The following PARP14 variants were observed in gnomAD, a reference collection of about 807,000 sequenced individuals.
PARP14 encodes protein mono-ADP-ribosyltransferase PARP14.
A neutral mutation model predicts 154.2 loss-of-function variants in PARP14; 59 were observed. The ratio of observed to expected loss-of-function variants is 0.38; its 90% confidence interval spans 0.31 to 0.48. The LOEUF (loss-of-function observed/expected upper bound fraction) is 0.48, where lower values mean the gene tolerates loss of function less well. Ranked by LOEUF, PARP14 falls within the 20% of genes least tolerant of loss-of-function variation. The pLI, the probability that PARP14 is intolerant of heterozygous loss-of-function variation, is 0.98. For missense variants in PARP14, 1,734 were observed against 2,131.6 expected (o/e 0.81, Z 3.67); for synonymous variants, 720 against 780.5 (o/e 0.92, Z 1.29).
intron 12 of PARP14, among the ~76,000 whole-genome samples, chr3:122,716,834 A>G (rs1004338169): frequency 1.4e-4 from 21 of 152,168 alleles, no homozygotes; most frequent in Non-Finnish European, 7.4e-5. Flanking sequence ...TACCCATTAC[A>G]TAGTTCCATC....
rs540313554 is a variant in PARP14, at chr3:122,698,949, C to T, written c.836-441C>T. On this transcript the variant is annotated intron_variant, in intron 5 of 16. Coordinates refer to ENST00000474629, the MANE Select transcript of PARP14 (RefSeq NM_017554.3). ...TATACTAGGGCAAACATTATTCTCA[C>T]GATTGTGACCAAACTCATGTATTTC... 7.2e-5 allele frequency among the ~76,000 whole-genome samples: 11 copies of T among 152,294 alleles called. No individual in the cohort carries two copies. In the South Asian group the frequency reaches 1.5e-3, roughly 20 times the overall value.
chr3:122,727,919 G>T lies in PARP14; in HGVS notation c.5049G>T (p.Gly1683=). The change falls in exon 16 of 17, where the codon GGG becomes GGT. Residue 1683 remains glycine (G), a synonymous_variant. Coordinates refer to ENST00000474629, the MANE Select transcript of PARP14 (RefSeq NM_017554.3). The stretch of plus-strand genomic sequence containing the variant: ...TGAATGAGAAGCAACTCTTCCATGG[G>T]ACAGATGCCGGCTCCGTGCCACACG... ...QTMNEKQLFH[G]TDAGSVPHVN... is the part of the protein sequence containing the mutation. The T allele has an allele frequency of 1.2e-6, 2 of 1,613,908 alleles. No homozygotes were observed. The highest frequency in any genetic ancestry group is 2.2e-5 in the South Asian group (2 of 91,076).
In PARP14 at chr3:122,714,381, T is replaced by G. The variant is rs1379759347; in HGVS notation, c.3952T>G (p.Cys1318Gly). The G allele has an allele frequency of 6.3e-7, 1 of 1,581,974 alleles. No individual in the cohort carries two copies. Among genetic ancestry groups the G allele is most frequent in the Non-Finnish European group, 8.5e-7 (1 of 1,170,024 alleles). Residue 1318 changes from cysteine (C) to glycine (G), a missense_variant, in exon 12 of 17, where the codon TGT (cysteine) becomes GGT (glycine). Transcript: ENST00000474629. ...KSSVSSVLQE[C>G]EKKNYSSICL... Reference sequence around the variant, plus strand: ...TTCAGTTTCCTCTGTTTTGCAGGAGTGTGAAAAAAAAAATTACTCATCCAT... The same window carrying G: ...TTCAGTTTCCTCTGTTTTGCAGGAGGGTGAAAAAAAAAATTACTCATCCAT...
Position 122,699,769 on chromosome 3 carries a change from G to A in PARP14, c.1215G>A (p.Val405=), listed in dbSNP as rs1263323457. The A allele has an allele frequency of 6.2e-7, 1 of 1,613,952 alleles. No individual in the cohort carries two copies. ...AATATAAAGTCAACCCAATTAAAGTGGATCCAACAATGTGGGACACCATAA... is the reference window on the plus strand; with the variant it reads ...AATATAAAGTCAACCCAATTAAAGTAGATCCAACAATGTGGGACACCATAA... ...RSKYKVNPIK[V]DPTMWDTIKN... The change falls in exon 6 of 17, where the codon GTG becomes GTA. Residue 405 remains valine, a synonymous_variant. Transcript: ENST00000474629.
Position 122,713,775 on chromosome 3 carries a change from C to T in PARP14, c.3770-97C>T, listed in dbSNP as rs1306511114. 7.3e-6 allele frequency: 7 copies of T among 961,574 alleles called. No homozygotes were observed. The East Asian group carries it at 1.7e-4, about 23-fold the overall frequency. 59.6% of individuals were successfully genotyped at this position (961,574 alleles called of 1,614,324 possible). ...AGCAATACCCAATTAGAGGATTCCT[C>T]AGATGATGGAGAATGCATTCAGATA... On this transcript the variant is annotated intron_variant, in intron 10 of 16. Coordinates refer to ENST00000474629, the MANE Select transcript of PARP14 (RefSeq NM_017554.3).
chr3:122,727,958 C>A lies in PARP14; in HGVS notation c.5088C>A (p.Gly1696=), dbSNP rs1465894281. ...CCGTGCCACACGTCAATCGAAATGG[C>A]TTTAACCGCAGCTATGCCGGAAAGA... ...AGSVPHVNRN[G]FNRSYAGKNA... The change falls in exon 16 of 17, where the codon GGC becomes GGA. Residue 1696 remains glycine (G), a synonymous_variant. Coordinates refer to ENST00000474629, the MANE Select transcript of PARP14 (RefSeq NM_017554.3). 2 of 1,612,070 alleles carry A rather than the reference C, an allele frequency of 1.2e-6. No individual in the cohort carries two copies. Among genetic ancestry groups the A allele is most frequent in the Non-Finnish European group, 8.5e-7 (1 of 1,179,256 alleles).
intron 15 of PARP14, 158 bp downstream of exon 15, chr3:122,720,546 C>CA (rs1169979323): frequency 2.9e-6 from 2 of 697,040 alleles, no homozygotes; most frequent in Non-Finnish European, 5.1e-6. Context: ...CTCATGTGAC[C>CA]ATAATTACTG....
intron 6 of PARP14, among the ~76,000 whole-genome samples, chr3:122,702,566 G>A (rs536608783): frequency 6.6e-6 from 1 of 152,062 alleles, no homozygotes; most frequent in Non-Finnish European, 1.5e-5. Context: ...ACTGCCATGC[G>A]GCAGATTCTA....
At position 122,700,969 on chromosome 3, in the gene PARP14, T is replaced by C. The variant is rs777739531; in HGVS notation, c.2415T>C (p.Ile805=). 6.8e-6 allele frequency: 11 copies of C among 1,613,950 alleles called. No homozygotes were observed. In the South Asian group the frequency reaches 1.1e-4, roughly 16 times the overall value. ...TCTTGGCCCCTGGCGTTGTGCTGATTGTGCAGCAGGGTGACTTGGCACGGC... is the reference window on the plus strand; with the variant it reads ...TCTTGGCCCCTGGCGTTGTGCTGATCGTGCAGCAGGGTGACTTGGCACGGC... ...RTVLAPGVVL[I]VQQGDLARLP... is the part of the protein sequence containing the mutation. The change falls in exon 6 of 17, where the codon ATT becomes ATC. Residue 805 remains isoleucine (I), a synonymous_variant. Transcript: ENST00000474629.
intron 15 of PARP14, among the ~76,000 whole-genome samples, chr3:122,724,857 G>C (rs943925610): frequency 6.6e-6 from 1 of 151,982 alleles, no homozygotes; most frequent in Non-Finnish European, 1.5e-5. Flanking sequence ...TGACTCTTAA[G>C]GAGCATGCTG....
chr3:122,718,744 C>T lies in PARP14; in HGVS notation c.4593C>T (p.Ile1531=). 6.2e-7 allele frequency: 1 copy of T among 1,613,340 alleles called. No individual in the cohort carries two copies. Among genetic ancestry groups the T allele is most frequent in the Non-Finnish European group, 8.5e-7 (1 of 1,179,552 alleles). ...AACAGGAATCCCGGGCAGATTGTAT[C>T]AGTGAGTTTATAGAATGGCAGTATA... The part of the protein sequence containing the change: ...AKEQESRADC[I]SEFIEWQYND... Residue 1531 remains isoleucine, a synonymous_variant, in exon 14 of 17, where the codon ATC becomes ATT. Transcript: ENST00000474629.
At chr3:122,715,366 C>T (rs1932964249) in intron 12 of PARP14, among the ~76,000 whole-genome samples, 1 of 152,164 alleles carries the variant, frequency 6.6e-6, no homozygotes, top group Admixed American at 6.5e-5. Context: ...AGGTTATCCT[C>T]AATAAACTTA....
At position 122,680,874 on chromosome 3, in the gene PARP14, G is replaced by T. The variant is rs772029631; in HGVS notation, c.-10G>T. The T allele has an allele frequency of 1.3e-5, 21 of 1,591,188 alleles. No individual in the cohort carries two copies. The East Asian group carries it at 2.5e-4, about 19-fold the overall frequency. ...CGGCCCCTGCAGTCCGGCGGAGAGC[G>T]GAGCTGAGGATGGCTGTGCCCGGCT... On this transcript the variant is annotated 5_prime_UTR_variant, in exon 1 of 17. Transcript: ENST00000474629.
intron 1 of PARP14, among the ~76,000 whole-genome samples, chr3:122,684,053 T>G (rs767049021): frequency 3.3e-5 from 5 of 152,180 alleles, no homozygotes; most frequent in Non-Finnish European, 7.4e-5. Context: ...CTGAGGCCTA[T>G]TTCTGAGTTG....
intron 1 of PARP14, among the ~76,000 whole-genome samples, chr3:122,682,461 C>T (rs1377670393): frequency 6.6e-6 from 1 of 152,150 alleles, no homozygotes; most frequent in Non-Finnish European, 1.5e-5. Context: ...ACCGGCAGCC[C>T]AGGTGACCCT....
At chr3:122,717,972 G>A in intron 12 of PARP14, 99 bp from the exon 13 acceptor site, 1 of 822,988 alleles carries the variant, frequency 1.2e-6, no homozygotes, top group Non-Finnish European at 2.0e-6. Flanking sequence ...ATTGAGGAGT[G>A]GGCATTTATT....
At chr3:122,709,627 C>T (rs1035052175) in intron 9 of PARP14, among the ~76,000 whole-genome samples, 3 of 152,122 alleles carry the variant, frequency 2.0e-5, no homozygotes, top group East Asian at 3.8e-4. Context: ...CACTGTTTTC[C>T]GTAGTGGTTG....
intron 15 of PARP14, among the ~76,000 whole-genome samples, chr3:122,727,247 G>A (rs1346443281): frequency 6.6e-6 from 1 of 152,130 alleles, no homozygotes; most frequent in Non-Finnish European, 1.5e-5. Context: ...TTCCACCACC[G>A]CCCTGGAGGC....
Position 122,709,716 on chromosome 3 carries a change from C to T in PARP14, c.3619+1448C>T, listed in dbSNP as rs148931869. Among the ~76,000 whole-genome samples the T allele has an allele frequency of 7.9e-5, 12 of 152,164 alleles. No individual in the cohort carries two copies. The East Asian group carries it at 2.3e-3, about 29-fold the overall frequency. On this transcript the variant is annotated intron_variant, in intron 9 of 16. Coordinates refer to ENST00000474629, the MANE Select transcript of PARP14 (RefSeq NM_017554.3). ...CATGCCAACATCTATTGTTTCTTGA[C>T]TTAAGTTATGGCCATTCTTGCAGGA...
Sources: gnomAD v4.1 joint callset for allele counts (sites outside exome capture counted in the v4.1 genomes callset) on GRCh38, gnomAD v4.1.1 for gene constraint, MANE v1.5 for transcripts, NCBI Gene and HGNC (gene_info 2026-07-23, HGNC 2026-07-21) for gene names.